CNTNAP3: variants seen among roughly 807,000 people sequenced by gnomAD.
CNTNAP3 encodes the protein contactin associated protein family member 3.
A neutral mutation model predicts 92.1 loss-of-function variants in CNTNAP3; 36 were observed. The observed-to-expected ratio is 0.39, with a 90% CI of 0.30 to 0.52. CNTNAP3 has a LOEUF of 0.52. Ranked by LOEUF, CNTNAP3 falls within the 20% of genes least tolerant of loss-of-function variation. CNTNAP3 has a pLI of 0.76. For synonymous variants in CNTNAP3, 232 were observed against 422.3 expected, an observed-to-expected ratio of 0.55 and a Z score of 5.53; for missense variants, 534 against 1,069.6, an observed-to-expected ratio of 0.50 and a Z score of 6.98.
intron 17 of CNTNAP3, among the ~76,000 whole-genome samples, chr9:39,101,270 G>C (rs1181354175): frequency 6.6e-6 from 1 of 151,272 alleles, no homozygotes; most frequent in East Asian, 2.0e-4. Context: ...TACATACGTG[G>C]GTTCACGTGT....
rs1356075342 is a variant in CNTNAP3 at position 39,260,555 on chromosome 9, A to C, written c.196+6341T>G. On this transcript the variant is annotated intron_variant, in intron 2 of 23. Coordinates refer to ENST00000297668, the MANE Select transcript of CNTNAP3 (RefSeq NM_033655.5). ...ATGGTGAAACCCCGTCTCTACTAAAAATACAAAAAAAAAAAAAGTTAGCCA... is the reference window on the plus strand; with the variant it reads ...ATGGTGAAACCCCGTCTCTACTAAACATACAAAAAAAAAAAAAGTTAGCCA... Among the ~76,000 whole-genome samples the C allele has an allele frequency of 4.7e-4, 8 of 17,138 alleles. 4 individuals carry two copies. The highest frequency in any genetic ancestry group is 8.7e-4 in the Non-Finnish European group (8 of 9,184). The allele number at this position is 17,138 out of a possible 152,430, so 11.2% of individuals were successfully genotyped here. A position where few individuals can be genotyped will look rare whatever the true frequency, so the allele number is the denominator to read the frequency against.
At chr9:39,125,967 A>G (rs892827665) in intron 13 of CNTNAP3, among the ~76,000 whole-genome samples, 5 of 152,286 alleles carry the variant, frequency 3.3e-5, no homozygotes, top group Admixed American at 2.6e-4. Context: ...ACTGAACAGC[A>G]CCATCAATCA....
At chr9:39,120,791 A>G (rs1191690232) in intron 13 of CNTNAP3, among the ~76,000 whole-genome samples, 2 of 152,234 alleles carry the variant, frequency 1.3e-5, no homozygotes, top group African/African-American at 4.8e-5. Context: ...GGAAAATATA[A>G]CAAAGGATTC....
chr9:39,112,349 G>A (rs1012357579), intron 14 of CNTNAP3, among the ~76,000 whole-genome samples: 1 of 151,822 alleles, frequency 6.6e-6, no homozygotes, highest in Non-Finnish European at 1.5e-5. Flanking sequence ...AGGGAGAAAT[G>A]TTAAGTCAAC....
Position 39,118,128 on chromosome 9 carries a change from T to C in CNTNAP3, c.2212A>G (p.Asn738Asp), listed in dbSNP as rs1820904704. 6.2e-7 allele frequency: 1 copy of C among 1,608,708 alleles called. No homozygotes were observed. The highest frequency in any genetic ancestry group is 2.2e-5 in the East Asian group (1 of 44,804). Residue 738 changes from asparagine to aspartate, a missense_variant, in exon 14 of 24, where the codon AAC becomes GAC. By Grantham distance (23) the Asn-to-Asp change is conservative. Coordinates refer to ENST00000297668, the MANE Select transcript of CNTNAP3 (RefSeq NM_033655.5). The stretch of plus-strand genomic sequence containing the variant: ...CATTCATTCCGGCCAGCATCACAGT[T>C]GCAGTAATACTGAGAATCAATGCAG... Reference protein sequence around the residue: ...GNCIDSQYYCNCDAGRNEWTS... With the variant: ...GNCIDSQYYCDCDAGRNEWTS...
At position 39,092,735 on chromosome 9, in the gene CNTNAP3, T is replaced by C. The variant is rs1229669836; in HGVS notation, c.2996-4088A>G. Among the ~76,000 whole-genome samples, 2 of 137,100 alleles carry C rather than the reference T, an allele frequency of 1.5e-5. 1 individual carries two copies. The highest frequency in any genetic ancestry group is 5.3e-5 in the African/African-American group (2 of 37,484). The allele number at this position is 137,100 out of a possible 152,430, so 89.9% of individuals were successfully genotyped here. A position where few individuals can be genotyped will look rare whatever the true frequency, so the allele number is the denominator to read the frequency against. On this transcript the variant is annotated intron_variant, in intron 18 of 23. Coordinates refer to ENST00000297668, the MANE Select transcript of CNTNAP3 (RefSeq NM_033655.5). ...GTTCTACAGATGTGTGTTAGAATGA[T>C]TGCGTTTTTATTTTTTTCAACTCTA...
intron 13 of CNTNAP3, among the ~76,000 whole-genome samples, chr9:39,121,439 TCATCG>T (rs1299884152): frequency 1.3e-5 from 2 of 152,092 alleles, no homozygotes; most frequent in Admixed American, 6.5e-5. Flanking sequence ...AGTCTGGAAG[TCATCG>T]CTCCCATTCT....
rs551656801 is a variant in CNTNAP3, at chr9:39,132,946, C to T, written c.2066G>A (p.Arg689His). ...GTGGCGCTTACCTCGTGAGTCCGGG[C>T]GCCGCGCCGTCCCGCAGCGCAGAGC... ...RLALRCGTARRPDSRDGTPLS... is the reference protein window; with the variant it reads ...RLALRCGTARHPDSRDGTPLS... The change falls in exon 13 of 24, where the codon CGC becomes CAC. Residue 689 changes from arginine (R) to histidine (H), a missense_variant. Arg to His is a conservative substitution (Grantham distance 29). Transcript: ENST00000297668. 8.4e-5 allele frequency: 130 copies of T among 1,545,608 alleles called. No individual in the cohort carries two copies. The South Asian group carries it at 1.3e-3, about 16-fold the overall frequency.
At chr9:39,146,880 T>A (rs1821715837) in intron 10 of CNTNAP3, among the ~76,000 whole-genome samples, 1 of 152,198 alleles carries the variant, frequency 6.6e-6, no homozygotes, top group South Asian at 2.1e-4. Context: ...CATATGTTTC[T>A]ACTTTGTGAA....
intron 11 of CNTNAP3, among the ~76,000 whole-genome samples, chr9:39,142,103 A>T (rs1367733515): frequency 2.0e-5 from 3 of 152,116 alleles, no homozygotes; most frequent in Non-Finnish European, 2.9e-5. Flanking sequence ...TTCCCTCAGA[A>T]GTTTTTGGAG....
intron 10 of CNTNAP3, among the ~76,000 whole-genome samples, chr9:39,148,228 G>C (rs1402828723): frequency 6.6e-6 from 1 of 152,060 alleles, no homozygotes. Flanking sequence ...AGAGGTACTT[G>C]ACAAATTCTT....
intron 2 of CNTNAP3, among the ~76,000 whole-genome samples, chr9:39,241,431 T>A (rs1822757773): frequency 7.9e-5 from 1 of 12,652 alleles, no homozygotes; most frequent in African/African-American, 1.2e-4. Flanking sequence ...CCTCTCCTAC[T>A]CCTGGTCAGG....
At chr9:39,094,156 T>C (rs12340631) in intron 18 of CNTNAP3, among the ~76,000 whole-genome samples, 23,802 of 151,560 alleles carry the variant, frequency 0.16, 2,666 homozygotes, top group African/African-American at 0.31. Context: ...CATGTGATTA[T>C]TGACTCTGTA....
intron 18 of CNTNAP3, chr9:39,099,690 G>A: frequency 1.2e-6 from 1 of 811,580 alleles, no homozygotes; most frequent in East Asian, 2.7e-5. Context: ...GGGTAACCCA[G>A]AGATCTTCTA....
intron 13 of CNTNAP3, 32 bp from the exon 14 acceptor site, chr9:39,118,291 A>T (rs1820911005): frequency 6.2e-7 from 1 of 1,612,690 alleles, no homozygotes; most frequent in Admixed American, 1.7e-5. Context: ...CATGACATCT[A>T]CTTTGTCCCT....
Position 39,070,363 on chromosome 9 carries a change from G to T in CNTNAP3, c.*3527C>A, listed in dbSNP as rs1446455356. On this transcript the variant is annotated 3_prime_UTR_variant, in exon 24 of 24. Transcript: ENST00000297668. ...GAATGAGATCCTGTCACTTGCGACA[G>T]CATGGATGGAACTGGAGGTCATTAT... 1.5e-5 allele frequency among the ~76,000 whole-genome samples: 2 copies of T among 132,306 alleles called. No individual in the cohort carries two copies. Among genetic ancestry groups the T allele is most frequent in the African/African-American group, 6.0e-5 (2 of 33,576 alleles). The allele number at this position is 132,306 out of a possible 152,430, so 86.8% of individuals were successfully genotyped here. A position where few individuals can be genotyped will look rare whatever the true frequency, so the allele number is the denominator to read the frequency against.
intron 18 of CNTNAP3, among the ~76,000 whole-genome samples, chr9:39,089,949 T>C (rs1444075229): frequency 6.6e-6 from 1 of 152,166 alleles, no homozygotes; most frequent in African/African-American, 2.4e-5. Flanking sequence ...TTTTTATTTT[T>C]GTTTTCTTGA....
At chr9:39,106,088 A>G (rs1182127702) in intron 15 of CNTNAP3, among the ~76,000 whole-genome samples, 2 of 152,154 alleles carry the variant, frequency 1.3e-5, no homozygotes, top group African/African-American at 4.8e-5. Flanking sequence ...TGTGGAACCA[A>G]GCTTCTAACC....
intron 18 of CNTNAP3, among the ~76,000 whole-genome samples, chr9:39,093,882 T>C (rs1405360320): frequency 6.6e-6 from 1 of 151,300 alleles, no homozygotes; most frequent in Non-Finnish European, 1.5e-5. Context: ...TATGTAGAAG[T>C]GGAATTGCTG....
Sources: gnomAD v4.1 joint callset for allele counts (sites outside exome capture counted in the v4.1 genomes callset) on GRCh38, gnomAD v4.1.1 for gene constraint, MANE v1.5 for transcripts, NCBI Gene and HGNC (gene_info 2026-07-23, HGNC 2026-07-21) for gene names.